Variants in PTPRN2 observed in about 807,000 individuals in gnomAD.
PTPRN2 encodes receptor-type tyrosine-protein phosphatase N2.
PTPRN2 carries 74 observed loss-of-function variants against 118.8 expected under a neutral mutation model. The ratio of observed to expected loss-of-function variants is 0.62; its 90% CI spans 0.52 to 0.76. The LOEUF (loss-of-function observed/expected upper bound fraction) is 0.76. Among genes scored for constraint, PTPRN2 ranks in the 30% least tolerant of loss-of-function variants. PTPRN2 has a pLI of 0.00. For missense variants in PTPRN2, 1,481 were observed against 1,394.4 expected (o/e 1.06, Z -0.99); for synonymous variants, 641 against 608.0 (o/e 1.05, Z -0.80).
chr7:157,937,334 A>C (rs1323934760), intron 11 of PTPRN2, among the ~76,000 whole-genome samples: 2 of 152,098 alleles, frequency 1.3e-5, no homozygotes, highest in Non-Finnish European at 2.9e-5. Context: ...AAGGAAGAGG[A>C]AGGTTTTGAA....
rs765074210 is a variant in PTPRN2 at position 157,772,887 on chromosome 7, G to C, written c.1789-89950C>G. On this transcript the variant is annotated intron_variant, in intron 12 of 22. Coordinates refer to ENST00000389418, the MANE Select transcript of PTPRN2 (RefSeq NM_002847.5). ...GGCCACGGGTGGCTGTCCAGGGTGT[G>C]GCTTGGAGCCGTGGAGCTGGAGGCC... 3.9e-5 allele frequency among the ~76,000 whole-genome samples: 6 copies of C among 152,226 alleles called. No individual in the cohort carries two copies. The East Asian group carries it at 1.2e-3, about 29-fold the overall frequency.
intron 11 of PTPRN2, among the ~76,000 whole-genome samples, chr7:158,023,822 A>G (rs1585221150): frequency 6.6e-6 from 1 of 151,978 alleles, no homozygotes; most frequent in East Asian, 2.0e-4. Context: ...ACAAGCAGGC[A>G]CACACATGCA....
In PTPRN2 at chr7:157,578,092, C is replaced by T. The variant is rs769738694; in HGVS notation, c.2545G>A (p.Ala849Thr). The T allele has an allele frequency of 1.9e-6, 3 of 1,613,488 alleles. No individual in the cohort carries two copies. Among genetic ancestry groups the T allele is most frequent in the Middle Eastern group, 1.7e-4 (1 of 6,058 alleles). ...CVVIVMLTPLAENGVRQCYHY... is the reference protein window; with the variant it reads ...CVVIVMLTPLTENGVRQCYHY... The stretch of plus-strand genomic sequence containing the variant: ...TAGCACTGCCGGACGCCGTTCTCCG[C>T]GAGGGGTGTCAGCATGACGATCACC... The change falls in exon 18 of 23, where the codon GCG becomes ACG. Residue 849 changes from alanine (A) to threonine (T), a missense_variant. Ala to Thr is a moderately conservative substitution (Grantham distance 58). Transcript: ENST00000389418.
At chr7:158,576,791 A>G (rs1828347984) in intron 1 of PTPRN2, among the ~76,000 whole-genome samples, 1 of 151,708 alleles carries the variant, frequency 6.6e-6, no homozygotes, top group Non-Finnish European at 1.5e-5. Context: ...CACAACACTG[A>G]GGGCTCCCCA....
intron 2 of PTPRN2, among the ~76,000 whole-genome samples, chr7:158,420,421 C>T (rs567586548): frequency 6.6e-6 from 1 of 152,294 alleles, no homozygotes; most frequent in African/African-American, 2.4e-5. Flanking sequence ...TTTGTCTTTT[C>T]CTGGGCTTGG....
intron 2 of PTPRN2, among the ~76,000 whole-genome samples, chr7:158,337,444 A>ATG (rs1276166370): frequency 9.0e-6 from 1 of 111,230 alleles, no homozygotes; most frequent in Admixed American, 8.9e-5. Context: ...GGTGACACCC[A>ATG]CAGACGTCAC....
intron 14 of PTPRN2, among the ~76,000 whole-genome samples, chr7:157,623,092 T>C (rs1803365416): frequency 6.6e-6 from 1 of 152,230 alleles, no homozygotes; most frequent in Non-Finnish European, 1.5e-5. Context: ...TTCAAATGGC[T>C]CAATCTAGGA....
chr7:158,467,790 T>C (rs184928307), intron 2 of PTPRN2, among the ~76,000 whole-genome samples: 1 of 152,330 alleles, frequency 6.6e-6, no homozygotes, highest in East Asian at 1.9e-4. Context: ...CTCATCCTTT[T>C]ACATGGCGTG....
At chr7:158,229,696 G>T (rs1335379481) in intron 3 of PTPRN2, among the ~76,000 whole-genome samples, 2 of 151,630 alleles carry the variant, frequency 1.3e-5, no homozygotes, top group Non-Finnish European at 2.9e-5. Context: ...AATCAGGGAT[G>T]GAAAAAGAAC....
intron 10 of PTPRN2, among the ~76,000 whole-genome samples, chr7:158,084,642 ACACT>A (rs1364943517): frequency 6.7e-6 from 1 of 150,300 alleles, no homozygotes; most frequent in Non-Finnish European, 1.5e-5. Context: ...CACACCCACG[ACACT>A]CATCCACATC....
intron 12 of PTPRN2, among the ~76,000 whole-genome samples, chr7:157,898,015 C>G (rs1342733430): frequency 6.6e-6 from 1 of 152,282 alleles, no homozygotes; most frequent in East Asian, 1.9e-4. Context: ...CAGGGGACAG[C>G]GGCCATCGGC....
intron 12 of PTPRN2, among the ~76,000 whole-genome samples, chr7:157,848,795 C>T (rs1722779495): frequency 6.6e-6 from 1 of 152,272 alleles, no homozygotes; most frequent in Non-Finnish European, 1.5e-5. Flanking sequence ...TGGTGGCCCG[C>T]ACCCTGCAGT....
chr7:157,702,240 G>C (rs981821288), intron 12 of PTPRN2, among the ~76,000 whole-genome samples: 4 of 151,328 alleles, frequency 2.6e-5, no homozygotes, highest in African/African-American at 9.7e-5. Flanking sequence ...AGAAAGCCTG[G>C]TCGGTCCTGG....
chr7:158,398,042 T>A (rs1258696169), intron 2 of PTPRN2, among the ~76,000 whole-genome samples: 1 of 152,188 alleles, frequency 6.6e-6, no homozygotes, highest in Non-Finnish European at 1.5e-5. Flanking sequence ...TGGGAAAATT[T>A]GCAGACTCGA....
At chr7:158,447,812 G>A (rs757251455) in intron 2 of PTPRN2, among the ~76,000 whole-genome samples, 10 of 152,236 alleles carry the variant, frequency 6.6e-5, no homozygotes, top group African/African-American at 1.4e-4. Flanking sequence ...CAGCAGAGCC[G>A]AGAGCGGGGG....
intron 11 of PTPRN2, among the ~76,000 whole-genome samples, chr7:158,067,709 G>A (rs916326099): frequency 2.0e-5 from 3 of 152,244 alleles, no homozygotes; most frequent in Admixed American, 6.5e-5. Flanking sequence ...GAGTGAGCGA[G>A]TGACAGAGTG....
At chr7:157,579,549 A>G (rs1315126618) in intron 17 of PTPRN2, among the ~76,000 whole-genome samples, 1 of 152,238 alleles carries the variant, frequency 6.6e-6, no homozygotes, top group Non-Finnish European at 1.5e-5. Flanking sequence ...GATCTAGACC[A>G]TAAACTAATC....
intron 12 of PTPRN2, among the ~76,000 whole-genome samples, chr7:157,815,196 G>T (rs1806317705): frequency 1.3e-5 from 2 of 152,240 alleles, no homozygotes; most frequent in South Asian, 4.1e-4. Context: ...GGGTGCTGCT[G>T]TGGGCAGGCG....
At chr7:157,657,890 C>T (rs1302908866) in intron 13 of PTPRN2, among the ~76,000 whole-genome samples, 2 of 136,496 alleles carry the variant, frequency 1.5e-5, no homozygotes, top group South Asian at 2.4e-4. Context: ...ACACACACCA[C>T]ACACATCACA....
Sources: gnomAD v4.1 joint callset for allele counts (sites outside exome capture counted in the v4.1 genomes callset) on GRCh38, gnomAD v4.1.1 for gene constraint, MANE v1.5 for transcripts, NCBI Gene and HGNC (gene_info 2026-07-23, HGNC 2026-07-21) for gene names.